The following ZMYND11 variants were observed in gnomAD, a reference collection of about 807,000 sequenced individuals.
ZMYND11 encodes the protein zinc finger MYND-type containing 11, also known as zinc finger MYND domain-containing protein 11.
In ZMYND11, 9 loss-of-function variants were observed where a neutral mutation model predicts 84.9. That is an observed-to-expected ratio of 0.11 (90% confidence interval 0.06 to 0.18). ZMYND11 has a LOEUF of 0.18. ZMYND11 is among the 10% of genes least tolerant of loss of function. The probability of loss-of-function intolerance (pLI) is 1.00; values close to 1 mark genes in which losing one functional copy is unlikely to be tolerated. For synonymous variants in ZMYND11, 250 were observed against 244.1 expected (o/e 1.02, Z -0.23); for missense variants, 409 against 761.0 (o/e 0.54, Z 5.44).
chr10:138,834 C>T (rs1363138521), intron 1 of ZMYND11, among the ~76,000 whole-genome samples: 1 of 151,782 alleles, frequency 6.6e-6, no homozygotes, highest in East Asian at 1.9e-4. Context: ...TTGGATTTAA[C>T]ACTGAATTTT....
intron 1 of ZMYND11, among the ~76,000 whole-genome samples, chr10:160,023 G>C (rs73583705): frequency 6.6e-6 from 1 of 152,146 alleles, no homozygotes; most frequent in Non-Finnish European, 1.5e-5. Flanking sequence ...GCAGTATTGA[G>C]TAAGAAGGGA....
At chr10:188,215 A>G (rs527868752) in intron 2 of ZMYND11, among the ~76,000 whole-genome samples, 1 of 152,314 alleles carries the variant, frequency 6.6e-6, no homozygotes, top group Non-Finnish European at 1.5e-5. Context: ...ACACATTATA[A>G]ATCAAGAAGT....
chr10:210,113 A>C, intron 3 of ZMYND11, 65 bp downstream of exon 3: 1 of 1,535,462 alleles, frequency 6.5e-7, no homozygotes, highest in Non-Finnish European at 8.9e-7. Flanking sequence ...TTATTTAGAT[A>C]CAACCTATAG....
At chr10:217,630 T>C (rs759916363) in intron 3 of ZMYND11, among the ~76,000 whole-genome samples, 20 of 152,168 alleles carry the variant, frequency 1.3e-4, no homozygotes, top group Non-Finnish European at 2.5e-4. Context: ...TTTTGTGACT[T>C]GGTCAGTTCC....
In ZMYND11 at chr10:246,940, A is replaced by G. The variant is rs1461305945; in HGVS notation, c.1125A>G (p.Ala375=). 3.7e-6 allele frequency: 6 copies of G among 1,611,028 alleles called. No individual in the cohort carries two copies. The East Asian group carries it at 6.7e-5, about 18-fold the overall frequency. Residue 375 remains alanine, a synonymous_variant, in exon 11 of 15, where the codon GCA becomes GCG. Transcript: ENST00000381604. Reference sequence around the variant, plus strand: ...ATGAGGACCGAGGTGAGGAAGAGGCAGAATCCAGTATCTCCTCCACCAGTA... The same window carrying G: ...ATGAGGACCGAGGTGAGGAAGAGGCGGAATCCAGTATCTCCTCCACCAGTA... ...SKNEDRGEEE[A]ESSISSTSNE... is the part of the protein sequence containing the mutation.
At chr10:195,250 AAAG>A (rs1269985669) in intron 2 of ZMYND11, among the ~76,000 whole-genome samples, 1 of 152,254 alleles carries the variant, frequency 6.6e-6, no homozygotes, top group African/African-American at 2.4e-5. Context: ...ATCTGAGAGA[AAAG>A]AAGTTCTCAG....
In ZMYND11 at chr10:248,524, C is replaced by G; in HGVS notation, c.1416C>G (p.Thr472=). ...AGAGCATGTGCCATGACAAATACAC[C>G]AAGATCTTCAATGACTTCAAAGACC... ...VCQSMCHDKY[T]KIFNDFKDRM... The change falls in exon 13 of 15, where the codon ACC becomes ACG. Residue 472 remains threonine, a synonymous_variant. Coordinates refer to ENST00000381604, the MANE Select transcript of ZMYND11 (RefSeq NM_001370100.5). 2 of 1,614,132 alleles carry G rather than the reference C, an allele frequency of 1.2e-6. No individual in the cohort carries two copies. Among genetic ancestry groups the G allele is most frequent in the Non-Finnish European group, 1.7e-6 (2 of 1,180,042 alleles).
intron 3 of ZMYND11, among the ~76,000 whole-genome samples, chr10:211,593 G>A (rs1316621509): frequency 6.6e-6 from 1 of 152,166 alleles, no homozygotes; most frequent in Non-Finnish European, 1.5e-5. Context: ...ACTTAGAAAA[G>A]CTGTTCACTT....
chr10:155,633 G>A (rs1245393163), intron 1 of ZMYND11, among the ~76,000 whole-genome samples: 1 of 152,208 alleles, frequency 6.6e-6, no homozygotes, highest in Admixed American at 6.5e-5. Context: ...ATGATGTTTG[G>A]CTTCGCTAGT....
chr10:155,122 C>A (rs893170763), intron 1 of ZMYND11, among the ~76,000 whole-genome samples: 1 of 152,020 alleles, frequency 6.6e-6, no homozygotes, highest in Non-Finnish European at 1.5e-5. Flanking sequence ...CAGAAAGCAT[C>A]TCATATGGTT....
rs1942598228 is a variant in ZMYND11 at position 199,381 on chromosome 10, A to T, written c.117-10508A>T. 1.3e-5 allele frequency among the ~76,000 whole-genome samples: 2 copies of T among 150,340 alleles called. 1 individual carries two copies. The highest frequency in any genetic ancestry group is 4.2e-4 in the South Asian group (2 of 4,762). On this transcript the variant is annotated intron_variant, in intron 2 of 14. Coordinates refer to ENST00000381604, the MANE Select transcript of ZMYND11 (RefSeq NM_001370100.5). ...TCTGTGTATGCATGTACGTATGTAT[A>T]TGCATATATAATTTTAAATCTTATC...
At chr10:210,381 G>A (rs1031479918) in intron 3 of ZMYND11, among the ~76,000 whole-genome samples, 1 of 152,200 alleles carries the variant, frequency 6.6e-6, no homozygotes, top group African/African-American at 2.4e-5. Context: ...GCCAGATAAT[G>A]TTGATGCCAT....
chr10:246,667 G>T, intron 10 of ZMYND11, 99 bp from the exon 11 acceptor site: 4 of 1,139,908 alleles, frequency 3.5e-6, no homozygotes, highest in Non-Finnish European at 5.1e-6. Context: ...ACTGCCACAG[G>T]TCGCACTTTA....
At position 254,367 on chromosome 10, in the gene ZMYND11, AC is replaced by A. The variant is rs1297072754; in HGVS notation, c.*1898del. ...GTGAAAACTGTGTGTTTAAAAAAAA[AC>A]AAAATTAAAAAAAGAGATTGTGGCC... On this transcript the variant is annotated 3_prime_UTR_variant, in exon 15 of 15. Transcript: ENST00000381604. 3.9e-5 allele frequency: 6 copies of A among 152,648 alleles called. No homozygotes were observed. Among genetic ancestry groups the A allele is most frequent in the Non-Finnish European group, 5.9e-5 (4 of 68,042 alleles). 9.5% of individuals were successfully genotyped at this position (152,648 alleles called of 1,614,324 possible).
At chr10:226,986 T>C (rs1323388482) in intron 4 of ZMYND11, among the ~76,000 whole-genome samples, 1 of 152,204 alleles carries the variant, frequency 6.6e-6, no homozygotes, top group East Asian at 1.9e-4. Flanking sequence ...GTGGCATTTT[T>C]CTCTGTTTAA....
At position 254,477 on chromosome 10, in the gene ZMYND11, TA is replaced by T. The variant is rs1486929713; in HGVS notation, c.*2008del. 6.5e-6 allele frequency: 1 copy of T among 152,674 alleles called. No individual in the cohort carries two copies. Among genetic ancestry groups the T allele is most frequent in the Non-Finnish European group, 1.5e-5 (1 of 68,052 alleles). 9.5% of individuals were successfully genotyped at this position (152,674 alleles called of 1,614,324 possible). ...AAATTTTCTGCAAATCATAAAGCTA[TA>T]TCGAGGTGTTGAGCTTAGCCACTAT... is the stretch of plus-strand genomic sequence containing the variant. On this transcript the variant is annotated 3_prime_UTR_variant, in exon 15 of 15. Transcript: ENST00000381604.
chr10:182,398 C>G (rs1378771544), intron 2 of ZMYND11, among the ~76,000 whole-genome samples: 1 of 152,066 alleles, frequency 6.6e-6, no homozygotes, highest in Non-Finnish European at 1.5e-5. Flanking sequence ...TAACTGATGC[C>G]AAGGCTTATT....
intron 1 of ZMYND11, among the ~76,000 whole-genome samples, chr10:175,441 G>A (rs782810657): frequency 3.9e-5 from 6 of 152,096 alleles, no homozygotes; most frequent in South Asian, 2.1e-4. Context: ...GGTGGCGCAC[G>A]CCTGTAATCC....
At chr10:233,450 TTGA>T (rs1487124129) in intron 4 of ZMYND11, among the ~76,000 whole-genome samples, 1 of 152,238 alleles carries the variant, frequency 6.6e-6, no homozygotes, top group African/African-American at 2.4e-5. Flanking sequence ...GAAGTAGATG[TTGA>T]TGTTTCTTAA....
Sources: gnomAD v4.1 joint callset for allele counts (sites outside exome capture counted in the v4.1 genomes callset) on GRCh38, gnomAD v4.1.1 for gene constraint, MANE v1.5 for transcripts, NCBI Gene and HGNC (gene_info 2026-07-23, HGNC 2026-07-21) for gene names.